Variants in CNTNAP5 observed in about 807,000 individuals in gnomAD.
CNTNAP5 encodes the protein contactin associated protein family member 5.
CNTNAP5 carries 72 observed loss-of-function variants against 150.2 expected under a neutral mutation model. That is an observed-to-expected ratio of 0.48 (90% CI 0.40 to 0.58). CNTNAP5 has a LOEUF of 0.58. Ranked by LOEUF, CNTNAP5 falls within the 20% of genes least tolerant of loss-of-function variation. The probability of loss-of-function intolerance (pLI) is 0.00; values close to 1 mark genes in which losing one functional copy is unlikely to be tolerated. For missense variants in CNTNAP5, 1,636 were observed against 1,626.2 expected (o/e 1.01, Z -0.10); for synonymous variants, 672 against 619.8 (o/e 1.08, Z -1.25).
intron 3 of CNTNAP5, among the ~76,000 whole-genome samples, chr2:124,300,748 G>T (rs1265965736): frequency 6.6e-6 from 1 of 152,186 alleles, no homozygotes; most frequent in Non-Finnish European, 1.5e-5. Context: ...CAGGCTGCAA[G>T]GACTTAGAAC....
intron 4 of CNTNAP5, among the ~76,000 whole-genome samples, chr2:124,426,835 T>A (rs1692249531): frequency 6.6e-6 from 1 of 152,168 alleles, no homozygotes; most frequent in Non-Finnish European, 1.5e-5. Context: ...ATGGGCCCAG[T>A]GGGAAGTCGG....
intron 21 of CNTNAP5, among the ~76,000 whole-genome samples, chr2:124,899,417 A>C (rs549936751): frequency 6.6e-6 from 1 of 151,554 alleles, no homozygotes; most frequent in East Asian, 1.9e-4. Context: ...CTTGGAGGAC[A>C]TGGGGCTAAA....
At position 124,187,514 on chromosome 2, in the gene CNTNAP5, G is replaced by A. The variant is rs150007465; in HGVS notation, c.83-34191G>A. On this transcript the variant is annotated intron_variant, in intron 1 of 23. Transcript: ENST00000682447. ...GTTGCAATGGGGACAAGAGAAGCAG[G>A]AGAGGACCTTGTGGGCTTGAATTTT... Among the ~76,000 whole-genome samples the A allele has an allele frequency of 5.3e-3, 809 of 152,302 alleles. 12 individuals are homozygous for A. The highest frequency in any genetic ancestry group is 0.014 in the Middle Eastern group (4 of 294).
chr2:124,497,547 GA>G (rs1180928941), intron 7 of CNTNAP5, among the ~76,000 whole-genome samples: 1 of 152,168 alleles, frequency 6.6e-6, no homozygotes, highest in Non-Finnish European at 1.5e-5. Context: ...GACCTCAAGT[GA>G]AATAACCAAA....
intron 1 of CNTNAP5, among the ~76,000 whole-genome samples, chr2:124,065,157 G>A (rs572280501): frequency 6.6e-6 from 1 of 152,198 alleles, no homozygotes; most frequent in East Asian, 1.9e-4. Context: ...AGCAGCCAGG[G>A]AAGGGGAAAG....
intron 18 of CNTNAP5, among the ~76,000 whole-genome samples, 190 bp downstream of exon 18, chr2:124,790,331 C>T (rs1363460053): frequency 6.6e-6 from 1 of 152,164 alleles, no homozygotes; most frequent in African/African-American, 2.4e-5. Flanking sequence ...GGCAATGTAA[C>T]TGAACTGGAT....
At chr2:124,871,379 C>T (rs780829065) in intron 21 of CNTNAP5, among the ~76,000 whole-genome samples, 2 of 151,918 alleles carry the variant, frequency 1.3e-5, no homozygotes, top group African/African-American at 2.4e-5. Context: ...AATATTTTCT[C>T]TCAGGTACTG....
chr2:124,602,080 C>A (rs1012089625), intron 11 of CNTNAP5, among the ~76,000 whole-genome samples: 1 of 152,112 alleles, frequency 6.6e-6, no homozygotes, highest in Admixed American at 6.5e-5. Context: ...CGCGGTGGCT[C>A]ACACCTGTAA....
intron 1 of CNTNAP5, among the ~76,000 whole-genome samples, chr2:124,150,311 C>T (rs921102053): frequency 6.6e-6 from 1 of 152,160 alleles, no homozygotes; most frequent in Non-Finnish European, 1.5e-5. Flanking sequence ...ATATCCCAGC[C>T]TCTGTTTATC....
intron 1 of CNTNAP5, among the ~76,000 whole-genome samples, chr2:124,043,390 C>G (rs565897614): frequency 6.6e-6 from 1 of 152,286 alleles, no homozygotes; most frequent in South Asian, 2.1e-4. Flanking sequence ...ACCACCAAAC[C>G]ACTCTCCTTA....
At chr2:124,220,121 G>A (rs1686266078) in intron 1 of CNTNAP5, among the ~76,000 whole-genome samples, 1 of 151,470 alleles carries the variant, frequency 6.6e-6, no homozygotes, top group African/African-American at 2.4e-5. Flanking sequence ...GAATAAATAA[G>A]CTTAATACTA....
At chr2:124,686,781 T>C (rs1302746109) in intron 13 of CNTNAP5, among the ~76,000 whole-genome samples, 2 of 152,200 alleles carry the variant, frequency 1.3e-5, no homozygotes, top group African/African-American at 4.8e-5. Flanking sequence ...CTTTGAAGAT[T>C]TGATATAATC....
intron 10 of CNTNAP5, among the ~76,000 whole-genome samples, chr2:124,537,240 C>T (rs1372247912): frequency 6.6e-6 from 1 of 152,142 alleles, no homozygotes; most frequent in Non-Finnish European, 1.5e-5. Flanking sequence ...TTAGGCCTGT[C>T]CTGGCACTGT....
intron 3 of CNTNAP5, among the ~76,000 whole-genome samples, chr2:124,255,026 G>A (rs1687272309): frequency 6.6e-6 from 1 of 152,148 alleles, no homozygotes; most frequent in Non-Finnish European, 1.5e-5. Flanking sequence ...GTGGAAGAAA[G>A]TCCTAAAGAA....
intron 21 of CNTNAP5, among the ~76,000 whole-genome samples, chr2:124,879,342 G>A (rs1465118914): frequency 6.6e-6 from 1 of 152,118 alleles, no homozygotes; most frequent in African/African-American, 2.4e-5. Flanking sequence ...ACACATATAT[G>A]TATAATGTAT....
rs535658900 is a variant in CNTNAP5 at position 124,836,934 on chromosome 2, A to G, written c.3218-28372A>G. On this transcript the variant is annotated intron_variant, in intron 19 of 23. Coordinates refer to ENST00000682447, the MANE Select transcript of CNTNAP5 (RefSeq NM_001367498.1). ...AATGCCTTTGATTTCTAAGACACCT[A>G]TCTCTAAGGTCTTAAGTTTATGCCT... Among the ~76,000 whole-genome samples the G allele has an allele frequency of 3.3e-5, 5 of 152,172 alleles. No individual in the cohort carries two copies. In the South Asian group the frequency reaches 1.0e-3, roughly 32 times the overall value.
intron 10 of CNTNAP5, among the ~76,000 whole-genome samples, chr2:124,540,635 A>G (rs1695356998): frequency 6.6e-6 from 1 of 152,074 alleles, no homozygotes; most frequent in Non-Finnish European, 1.5e-5. Context: ...CCCTGCTCTG[A>G]TCTTCCTTGG....
intron 19 of CNTNAP5, among the ~76,000 whole-genome samples, chr2:124,811,616 G>A (rs1682220546): frequency 6.6e-6 from 1 of 151,010 alleles, no homozygotes; most frequent in Non-Finnish European, 1.5e-5. Context: ...AGTGAATGAA[G>A]GAATGAATGA....
intron 1 of CNTNAP5, among the ~76,000 whole-genome samples, chr2:124,093,564 A>T (rs1227947333): frequency 1.3e-5 from 2 of 152,196 alleles, no homozygotes; most frequent in Non-Finnish European, 2.9e-5. Flanking sequence ...AGACGATGGG[A>T]TCTTATTTTT....
Sources: allele counts gnomAD v4.1 joint callset (sites outside exome capture counted in the v4.1 genomes callset), GRCh38; gene constraint gnomAD v4.1.1; transcripts MANE v1.5; gene names NCBI Gene and HGNC (gene_info 2026-07-23, HGNC 2026-07-21).